The following TUBA3E variants were observed in gnomAD, a reference collection of about 807,000 sequenced individuals.
TUBA3E encodes the protein tubulin alpha-3E chain.
A neutral mutation model predicts 36.7 loss-of-function variants in TUBA3E; 21 were observed. The observed-to-expected ratio is 0.57, with a 90% confidence interval of 0.41 to 0.83. TUBA3E has a LOEUF of 0.83. Ranked by LOEUF, TUBA3E falls within the 40% of genes least tolerant of loss-of-function variation. TUBA3E has a pLI of 0.00. For missense variants in TUBA3E, 469 were observed against 604.2 expected (o/e 0.78, Z 2.35); for synonymous variants, 177 against 241.9 (o/e 0.73, Z 2.49).
chr2:130,197,210 C>G (rs1690428711), intron 1 of TUBA3E, among the ~76,000 whole-genome samples: 1 of 152,162 alleles, frequency 6.6e-6, no homozygotes, highest in Non-Finnish European at 1.5e-5. Flanking sequence ...CTCTGCCAAG[C>G]TGGGTGTGGT....
At position 130,191,891 on chromosome 2, in the gene TUBA3E, A is replaced by G. The variant is rs1690267816; in HGVS notation, c.1293T>C (p.Asp431=). The change falls in exon 5 of 5, where the codon GAT becomes GAC. Residue 431 remains aspartate, a synonymous_variant. Coordinates refer to ENST00000312988, the MANE Select transcript of TUBA3E (RefSeq NM_207312.3). ...CGGAATCCACGCCCACCTCTTCACAATCCTTCTCTAGAGCTGCCAGGTCCT... is the reference window on the plus strand; with the variant it reads ...CGGAATCCACGCCCACCTCTTCACAGTCCTTCTCTAGAGCTGCCAGGTCCT... ...AREDLAALEK[D]CEEVGVDSVE... The G allele has an allele frequency of 1.2e-6, 2 of 1,613,872 alleles. No homozygotes were observed. The highest frequency in any genetic ancestry group is 2.2e-5 in the South Asian group (2 of 91,060).
At position 130,194,454 on chromosome 2, in the gene TUBA3E, T is replaced by C. The variant is rs1425792765; in HGVS notation, c.388A>G (p.Thr130Ala). The C allele has an allele frequency of 1.3e-6, 2 of 1,562,336 alleles. No homozygotes were observed. The highest frequency in any genetic ancestry group is 1.7e-6 in the Non-Finnish European group (2 of 1,154,074). The part of the protein sequence containing the change: ...DRIRKLADLC[T>A]GLQGFLIFHS... The stretch of plus-strand genomic sequence containing the variant: ...AAGATGAGGAAGCCCTGCAGTCCTG[T>C]GCACAGATCCGCCTGAGAGAAACCA... The change falls in exon 4 of 5, where the codon ACA (threonine) becomes GCA (alanine). Residue 130 changes from threonine (T) to alanine (A), a missense_variant. By Grantham distance (58) the Thr-to-Ala change is moderately conservative. Around this residue, in one of 3 missense-constraint regions of TUBA3E, gnomAD observed 169 missense variants for 239.0 expected, o/e 0.71. Transcript: ENST00000312988.
At position 130,194,469 on chromosome 2, in the gene TUBA3E, G is replaced by A; in HGVS notation, c.376-3C>T. On this transcript the variant is annotated splice_polypyrimidine_tract_variant and splice_region_variant and intron_variant, in intron 3 of 4. Coordinates refer to ENST00000312988, the MANE Select transcript of TUBA3E (RefSeq NM_207312.3). ...TGCAGTCCTGTGCACAGATCCGCCT[G>A]AGAGAAACCAGACAACGTGAGCCAA... The A allele has an allele frequency of 6.5e-7, 1 of 1,534,498 alleles. No homozygotes were observed. The highest frequency in any genetic ancestry group is 1.3e-5 in the South Asian group (1 of 79,056).
chr2:130,195,355 A>C (rs1690379400), intron 2 of TUBA3E, 128 bp from the exon 3 acceptor site: 1 of 1,369,422 alleles, frequency 7.3e-7, no homozygotes, highest in African/African-American at 1.5e-5. Flanking sequence ...GTCATAGGTC[A>C]ACAGTGGCAG....
chr2:130,197,511 AAAG>A lies in TUBA3E; in HGVS notation c.3+844_3+846del, dbSNP rs1166763294. On this transcript the variant is annotated intron_variant, in intron 1 of 4. Transcript: ENST00000312988. Reference sequence around the variant, plus strand: ...CTGTCTCAAAAAAAAAAAAAAAAGAAAAGAAAAGAAAAAAGAAAAAGAAAGGAA... The same window carrying A: ...CTGTCTCAAAAAAAAAAAAAAAAGAAAAAAGAAAAAAGAAAAAGAAAGGAA... Among the ~76,000 whole-genome samples the A allele has an allele frequency of 2.2e-4, 27 of 124,326 alleles. 2 individuals carry two copies. The highest frequency in any genetic ancestry group is 6.2e-4 in the African/African-American group (22 of 35,552). The allele number at this position is 124,326 out of a possible 152,430, so 81.6% of individuals were successfully genotyped here. A position where few individuals can be genotyped will look rare whatever the true frequency, so the allele number is the denominator to read the frequency against.
intron 4 of TUBA3E, among the ~76,000 whole-genome samples, chr2:130,192,735 T>C (rs1348871209): frequency 6.6e-6 from 1 of 150,784 alleles, no homozygotes; most frequent in Non-Finnish European, 1.5e-5. Context: ...GGTAATAACA[T>C]GACCTGAGGT....
Position 130,197,510 on chromosome 2 carries a change from AAAAG to A in TUBA3E, c.3+844_3+847del, listed in dbSNP as rs1239709564. 3.6e-5 allele frequency among the ~76,000 whole-genome samples: 4 copies of A among 110,370 alleles called. 1 individual carries two copies. The highest frequency in any genetic ancestry group is 8.6e-5 in the African/African-American group (2 of 23,256). 72.4% of individuals were successfully genotyped at this position (110,370 alleles called of 152,430 possible). On this transcript the variant is annotated intron_variant, in intron 1 of 4. Coordinates refer to ENST00000312988, the MANE Select transcript of TUBA3E (RefSeq NM_207312.3). ...GCTGTCTCAAAAAAAAAAAAAAAAG[AAAAG>A]AAAAGAAAAAAGAAAAAGAAAGGAA...
chr2:130,193,598 G>A (rs1406041716), intron 4 of TUBA3E, among the ~76,000 whole-genome samples, 188 bp downstream of exon 4: 1 of 117,458 alleles, frequency 8.5e-6, no homozygotes, highest in African/African-American at 3.4e-5. Context: ...GACAGAGCAA[G>A]ACTGTCTCAA....
chr2:130,195,809 A>G (rs539135426), intron 2 of TUBA3E, among the ~76,000 whole-genome samples: 1 of 152,376 alleles, frequency 6.6e-6, no homozygotes, highest in African/African-American at 2.4e-5. Context: ...GTGCACCAGC[A>G]TAAGAGAATG....
chr2:130,193,916 T>C lies in TUBA3E; in HGVS notation c.926A>G (p.His309Arg), dbSNP rs1690333552. The C allele has an allele frequency of 6.8e-6, 11 of 1,614,100 alleles. 1 individual carries two copies. Among genetic ancestry groups the C allele is most frequent in the Admixed American group, 3.3e-5 (2 of 60,006 alleles). ...ANQMVKCDPR[H>R]GKYMACCMLY... ...CATGCAGCAGGCCATGTACTTGCCA[T>C]GGCGAGGGTCACACTTGACCATCTG... Residue 309 changes from histidine (H) to arginine (R), a missense_variant, in exon 4 of 5, where the codon CAT (histidine) becomes CGT (arginine). His to Arg is a conservative substitution (Grantham distance 29, BLOSUM62 0). Coordinates refer to ENST00000312988, the MANE Select transcript of TUBA3E (RefSeq NM_207312.3).
chr2:130,192,965 G>T (rs368379290), intron 4 of TUBA3E, among the ~76,000 whole-genome samples: 15 of 152,090 alleles, frequency 9.9e-5, no homozygotes, highest in Non-Finnish European at 1.3e-4. Flanking sequence ...GTGGTGGCAG[G>T]TGCCTGTAAT....
At position 130,192,085 on chromosome 2, in the gene TUBA3E, C is replaced by A. The variant is rs752154538; in HGVS notation, c.1099G>T (p.Asp367Tyr). The A allele has an allele frequency of 3.1e-6, 5 of 1,608,330 alleles. No individual in the cohort carries two copies. Among genetic ancestry groups the A allele is most frequent in the Admixed American group, 3.4e-5 (2 of 59,136 alleles). ...ACGGCCCGCTGCACCTTGGCCAGGT[C>A]TCCCCCGGGGACCACTGTGGGGGGC... ...YQPPTVVPGGDLAKVQRAVCM... is the reference protein window; with the variant it reads ...YQPPTVVPGGYLAKVQRAVCM... The change falls in exon 5 of 5, where the codon GAC (aspartate) becomes TAC (tyrosine). Residue 367 changes from aspartate to tyrosine, a missense_variant. Transcript: ENST00000312988.
rs1466352835 is a variant in TUBA3E at position 130,193,933 on chromosome 2, G to A, written c.909C>T (p.Val303=). The A allele has an allele frequency of 6.2e-7, 1 of 1,614,108 alleles. No homozygotes were observed. The highest frequency in any genetic ancestry group is 1.3e-5 in the African/African-American group (1 of 74,948). The change falls in exon 4 of 5, where the codon GTC becomes GTT. Residue 303 remains valine, a synonymous_variant. Transcript: ENST00000312988. Reference sequence around the variant, plus strand: ...ACTTGCCATGGCGAGGGTCACACTTGACCATCTGATTGGCTGGCTCGAAGC... The same window carrying A: ...ACTTGCCATGGCGAGGGTCACACTTAACCATCTGATTGGCTGGCTCGAAGC... The part of the protein sequence containing the change: ...NACFEPANQM[V]KCDPRHGKYM...
Position 130,194,071 on chromosome 2 carries a change from G to T in TUBA3E, c.771C>A (p.Thr257=), listed in dbSNP as rs1690341819. 1 of 1,614,096 alleles carries T rather than the reference G, an allele frequency of 6.2e-7. No homozygotes were observed. Among genetic ancestry groups the T allele is most frequent in the Non-Finnish European group, 8.5e-7 (1 of 1,180,050 alleles). ...ALNVDLTEFQ[T]NLVPYPRIHF... ...GGATGCGGGGGTACGGCACGAGGTT[G>T]GTCTGGAATTCCGTCAAGTCCACAT... Residue 257 remains threonine (T), a synonymous_variant, in exon 4 of 5, where the codon ACC becomes ACA. Transcript: ENST00000312988.
chr2:130,196,272 G>A lies in TUBA3E; in HGVS notation c.103C>T (p.Gln35Ter). 6.2e-7 allele frequency: 1 copy of A among 1,614,058 alleles called. No individual in the cohort carries two copies. Residue 35 changes from glutamine (Q) to a stop codon, truncating the protein, a stop_gained, in exon 2 of 5, where the codon CAA (glutamine) becomes TAA (stop). Coordinates refer to ENST00000312988, the MANE Select transcript of TUBA3E (RefSeq NM_207312.3). LOFTEE classifies it high-confidence loss of function. ...CCAATGGTTTTATCACTTGGCATTT[G>A]ACCATCGGGCTGAATTCCATGTTCA... The part of the protein sequence containing the change: ...CLEHGIQPDG[Q>*]MPSDKTIGGG...
At chr2:130,193,071 C>T (rs969079675) in intron 4 of TUBA3E, among the ~76,000 whole-genome samples, 1 of 144,652 alleles carries the variant, frequency 6.9e-6, no homozygotes, top group Non-Finnish European at 1.5e-5. Context: ...CCAACCTGGA[C>T]GACAGAGCAA....
chr2:130,196,232 G>T lies in TUBA3E; in HGVS notation c.143C>A (p.Ser48Tyr), dbSNP rs1208218709. ...SDKTIGGGDD[S>Y]FNTFFSETGA... is the part of the protein sequence containing the mutation. ...AGTCTCACTGAAGAACGTGTTGAAGGAGTCGTCCCCGCCACCAATGGTTTT... is the reference window on the plus strand; with the variant it reads ...AGTCTCACTGAAGAACGTGTTGAAGTAGTCGTCCCCGCCACCAATGGTTTT... The change falls in exon 2 of 5, where the codon TCC (serine) becomes TAC (tyrosine). Residue 48 changes from serine to tyrosine, a missense_variant. By Grantham distance (144) the Ser-to-Tyr change is moderately radical. Transcript: ENST00000312988. 2.5e-6 allele frequency: 4 copies of T among 1,613,980 alleles called. No homozygotes were observed. In the Admixed American group the frequency reaches 6.7e-5, roughly 27 times the overall value.
At chr2:130,194,820 G>A (rs1174907160) in intron 3 of TUBA3E, among the ~76,000 whole-genome samples, 2 of 152,274 alleles carry the variant, frequency 1.3e-5, no homozygotes, top group Middle Eastern at 3.4e-3. Context: ...TGGCAGTACA[G>A]GTGTGTGCCA....
chr2:130,192,069 T>C lies in TUBA3E; in HGVS notation c.1115A>G (p.Gln372Arg). 2 of 1,612,672 alleles carry C rather than the reference T, an allele frequency of 1.2e-6. No homozygotes were observed. The highest frequency in any genetic ancestry group is 4.5e-5 in the East Asian group (2 of 44,874). The change falls in exon 5 of 5, where the codon CAG (glutamine) becomes CGG (arginine). Residue 372 changes from glutamine to arginine, a missense_variant. By Grantham distance (43) the Gln-to-Arg change is conservative. Around this residue, in one of 3 missense-constraint regions of TUBA3E, gnomAD observed 296 missense variants for 346.9 expected, o/e 0.85. Transcript: ENST00000312988. ...VVPGGDLAKV[Q>R]RAVCMLSNTT... is the part of the protein sequence containing the mutation. ...GTTGCTCAGCATGCACACGGCCCGC[T>C]GCACCTTGGCCAGGTCTCCCCCGGG...
Sources: gnomAD v4.1 joint callset for allele counts (sites outside exome capture counted in the v4.1 genomes callset) on GRCh38, gnomAD v4.1.1 for gene constraint, gnomAD v4.1.1 regional missense constraint, MANE v1.5 for transcripts, NCBI Gene and HGNC (gene_info 2026-07-23, HGNC 2026-07-21) for gene names.